SLTM: variants seen among roughly 807,000 people sequenced by gnomAD.
The protein encoded by SLTM is SAFB-like transcription modulator.
A neutral mutation model predicts 134.6 loss-of-function variants in SLTM; 43 were observed. The ratio of observed to expected loss-of-function variants is 0.32; its 90% confidence interval spans 0.25 to 0.41. The LOEUF (loss-of-function observed/expected upper bound fraction) is 0.41. Ranked by LOEUF, SLTM falls within the 10% of genes least tolerant of loss-of-function variation. The pLI is 1.00. For synonymous variants in SLTM, 424 were observed against 432.3 expected (o/e 0.98, Z 0.24); for missense variants, 1,055 against 1,288.8 (o/e 0.82, Z 2.78).
At chr15:58,932,235 G>A in intron 2 of SLTM, 121 bp downstream of exon 2, 2 of 727,868 alleles carry the variant, frequency 2.7e-6, no homozygotes, top group East Asian at 2.5e-5. Context: ...ACCCAAGAAG[G>A]CAGACTGCCA....
intron 16 of SLTM, chr15:58,888,790 T>C (rs530319781): frequency 2.4e-4 from 90 of 368,668 alleles, no homozygotes; most frequent in African/African-American, 1.7e-3. Flanking sequence ...CTGCCTGTCT[T>C]TTCCATTAAA....
intron 2 of SLTM, among the ~76,000 whole-genome samples, chr15:58,917,701 C>T (rs1326402460): frequency 6.6e-6 from 1 of 152,030 alleles, no homozygotes; most frequent in Non-Finnish European, 1.5e-5. Context: ...CCTTCTTTGC[C>T]CATCTTCAAA....
chr15:58,883,584 G>C, intron 20 of SLTM, 42 bp downstream of exon 20: 1 of 1,610,316 alleles, frequency 6.2e-7, no homozygotes, highest in South Asian at 1.1e-5. Context: ...AAAGGATAAA[G>C]TGTTGGTTGT....
intron 5 of SLTM, among the ~76,000 whole-genome samples, chr15:58,903,982 TTCTC>T (rs533063323): frequency 2.4e-4 from 37 of 152,156 alleles, no homozygotes; most frequent in Admixed American, 5.2e-4. Flanking sequence ...TTTAAGTATT[TTCTC>T]TCTCTCTTTC....
chr15:58,915,431 T>A (rs2036566186), intron 3 of SLTM, among the ~76,000 whole-genome samples: 1 of 152,160 alleles, frequency 6.6e-6, no homozygotes, highest in Non-Finnish European at 1.5e-5. Context: ...GTAAAAGATT[T>A]TTTACTGAGT....
At chr15:58,905,599 C>A (rs2035819399) in intron 5 of SLTM, among the ~76,000 whole-genome samples, 1 of 151,976 alleles carries the variant, frequency 6.6e-6, no homozygotes, top group Non-Finnish European at 1.5e-5. Context: ...CAGTTTGACT[C>A]CCCTTATCTA....
Position 58,899,995 on chromosome 15 carries a change from T to C in SLTM, c.590-58A>G. 1 of 1,370,840 alleles carries C rather than the reference T, an allele frequency of 7.3e-7. No individual in the cohort carries two copies. Among genetic ancestry groups the C allele is most frequent in the East Asian group, 2.3e-5 (1 of 43,426 alleles). The allele number at this position is 1,370,840 out of a possible 1,614,324, so 84.9% of individuals were successfully genotyped here. ...AACAAGAAGTTTAAACAATTTCATATTCATAAGCTAGAATAGGACCTAGAA... is the reference window on the plus strand; with the variant it reads ...AACAAGAAGTTTAAACAATTTCATACTCATAAGCTAGAATAGGACCTAGAA... On this transcript the variant is annotated intron_variant, in intron 6 of 20. Coordinates refer to ENST00000380516, the MANE Select transcript of SLTM (RefSeq NM_024755.4). The surrounding 1 kb of genome is among the most constrained non-coding windows in gnomAD (Gnocchi z 5.0).
In SLTM at chr15:58,898,866, T is replaced by G. The variant is rs1314406497; in HGVS notation, c.1059-14A>C. On this transcript the variant is annotated splice_polypyrimidine_tract_variant and intron_variant, in intron 7 of 20. Transcript: ENST00000380516. ...TCCTTTGAAGAGCTAAAGAGGCAAA[T>G]CACCAGAAGAAAATTGAAAACAAAA... is the stretch of plus-strand genomic sequence containing the variant. 3 of 1,602,108 alleles carry G rather than the reference T, an allele frequency of 1.9e-6. No individual in the cohort carries two copies. The highest frequency in any genetic ancestry group is 1.7e-4 in the Middle Eastern group (1 of 6,014).
At chr15:58,916,301 G>A (rs2036646115) in intron 3 of SLTM, among the ~76,000 whole-genome samples, 2 of 151,606 alleles carry the variant, frequency 1.3e-5, no homozygotes, top group Admixed American at 6.6e-5. Context: ...AGCCTCTCAA[G>A]TAGTTGGGAT....
At chr15:58,886,334 T>A (rs2034207682) in intron 19 of SLTM, among the ~76,000 whole-genome samples, 4 of 151,236 alleles carry the variant, frequency 2.6e-5, no homozygotes, top group Admixed American at 1.3e-4. Context: ...TGGCACCATC[T>A]TGGCTCACTG....
In SLTM at chr15:58,890,459, C is replaced by T. The variant is rs2034564078; in HGVS notation, c.1901G>A (p.Arg634Gln). 6 of 1,612,638 alleles carry T rather than the reference C, an allele frequency of 3.7e-6. No individual in the cohort carries two copies. The highest frequency in any genetic ancestry group is 3.4e-6 in the Non-Finnish European group (4 of 1,179,728). The change falls in exon 15 of 21, where the codon CGA (arginine) becomes CAA (glutamine). Residue 634 changes from arginine to glutamine, a missense_variant and splice_region_variant. This residue lies in a region of SLTM where 776 missense variants were observed against 962.2 expected (regional missense o/e 0.81). Transcript: ENST00000380516. The stretch of plus-strand genomic sequence containing the variant: ...ACGCTCTCTCTCTGCAATCTCTCTT[C>T]GTCTACCAAAAATCAGTATTTAGAA... ...RLRRAMELRR[R>Q]REIAERERRE...
intron 2 of SLTM, among the ~76,000 whole-genome samples, chr15:58,927,128 TGA>T (rs1238953918): frequency 4.0e-5 from 6 of 151,658 alleles, no homozygotes; most frequent in South Asian, 2.1e-4. Context: ...ATTATGCTCT[TGA>T]GAGAGGCACC....
chr15:58,888,879 A>G lies in SLTM; in HGVS notation c.2205-324T>C, dbSNP rs189058489. On this transcript the variant is annotated intron_variant, in intron 16 of 20. Coordinates refer to ENST00000380516, the MANE Select transcript of SLTM (RefSeq NM_024755.4). The stretch of plus-strand genomic sequence containing the variant: ...AATAAAATACCTGAAACCACTTTAT[A>G]ATAAAATTCTAACCAGTTCACACAA... 7.7e-5 allele frequency: 17 copies of G among 220,528 alleles called. No individual in the cohort carries two copies. In the East Asian group the frequency reaches 1.8e-3, roughly 23 times the overall value. The allele number at this position is 220,528 out of a possible 1,614,324, so 13.7% of individuals were successfully genotyped here.
Position 58,879,798 on chromosome 15 carries a change from G to T in SLTM, c.*201C>A. 1.7e-6 allele frequency: 1 copy of T among 590,810 alleles called. No individual in the cohort carries two copies. The allele number at this position is 590,810 out of a possible 1,614,324, so 36.6% of individuals were successfully genotyped here. A position where few individuals can be genotyped will look rare whatever the true frequency, so the allele number is the denominator to read the frequency against. On this transcript the variant is annotated 3_prime_UTR_variant, in exon 21 of 21. Coordinates refer to ENST00000380516, the MANE Select transcript of SLTM (RefSeq NM_024755.4). ...GGTGCTGCAAGAAAAAAAGTTGAAT[G>T]ATACACAAAACTATTAAAAGTTACA... is the stretch of plus-strand genomic sequence containing the variant.
At chr15:58,927,226 T>C (rs1025899610) in intron 2 of SLTM, among the ~76,000 whole-genome samples, 2 of 152,088 alleles carry the variant, frequency 1.3e-5, no homozygotes, top group African/African-American at 2.4e-5. Flanking sequence ...CCAAAAGAGA[T>C]ATTTCTTTTT....
chr15:58,886,950 G>A (rs190458963), intron 19 of SLTM, 25 bp downstream of exon 19: 24 of 1,611,472 alleles, frequency 1.5e-5, no homozygotes, highest in African/African-American at 1.5e-4. Flanking sequence ...GTGCAGGCTC[G>A]CGGCAAGCCT....
rs1300791348 is a variant in SLTM, at chr15:58,905,511, TG to T, written c.562-4225del. On this transcript the variant is annotated intron_variant, in intron 5 of 20. Coordinates refer to ENST00000380516, the MANE Select transcript of SLTM (RefSeq NM_024755.4). ...TGAGGCCACGAGTTTGAGACCAGCCTGGGCAACCTAGTAAAACCCTATCTCT... is the reference window on the plus strand; with the variant it reads ...TGAGGCCACGAGTTTGAGACCAGCCTGGCAACCTAGTAAAACCCTATCTCT... Among the ~76,000 whole-genome samples, 4 of 152,234 alleles carry T rather than the reference TG, an allele frequency of 2.6e-5. No individual in the cohort carries two copies. In the East Asian group the frequency reaches 7.7e-4, roughly 29 times the overall value.
intron 2 of SLTM, among the ~76,000 whole-genome samples, 172 bp from the exon 3 acceptor site, chr15:58,917,171 C>T (rs1450238025): frequency 3.3e-5 from 5 of 152,180 alleles, no homozygotes; most frequent in Non-Finnish European, 7.3e-5. Flanking sequence ...AAAAGCTTTC[C>T]TATGTCATGC....
rs60261686 is a variant in SLTM, at chr15:58,886,218, AGTGTGTGTGTGTGTGTGTGT to A, written c.2835+737_2835+756del. On this transcript the variant is annotated intron_variant, in intron 19 of 20. Transcript: ENST00000380516. ...TTAAATGAAGCAGGAGAAAAAGAAG[AGTGTGTGTGTGTGTGTGTGT>A]GTGTGTGTGTGTGTGTGTGTGTGTG... Among the ~76,000 whole-genome samples, 71 of 124,474 alleles carry A rather than the reference AGTGTGTGTGTGTGTGTGTGT, an allele frequency of 5.7e-4. 1 individual carries two copies. The highest frequency in any genetic ancestry group is 1.4e-3 in the African/African-American group (48 of 33,746). The allele number at this position is 124,474 out of a possible 152,430, so 81.7% of individuals were successfully genotyped here. A position where few individuals can be genotyped will look rare whatever the true frequency, so the allele number is the denominator to read the frequency against.
Sources: allele counts gnomAD v4.1 joint callset (sites outside exome capture counted in the v4.1 genomes callset), GRCh38; gene constraint gnomAD v4.1.1; regional missense constraint gnomAD v4.1.1; non-coding constraint Gnocchi (gnomAD v3.1); transcripts MANE v1.5; gene names NCBI Gene and HGNC (gene_info 2026-07-23, HGNC 2026-07-21).